UHRF2: variants seen among roughly 807,000 people sequenced by gnomAD.
UHRF2 encodes the protein ubiquitin like with PHD and ring finger domains 2.
A neutral mutation model predicts 96.8 loss-of-function variants in UHRF2; 23 were observed. The ratio of observed to expected loss-of-function variants is 0.24; its 90% confidence interval spans 0.17 to 0.34. UHRF2 has a LOEUF of 0.34. Ranked by LOEUF, UHRF2 falls within the 10% of genes least tolerant of loss-of-function variation. The pLI, the probability that UHRF2 is intolerant of heterozygous loss-of-function variation, is 1.00. For synonymous variants in UHRF2, 385 were observed against 332.6 expected, an observed-to-expected ratio of 1.16 and a Z score of -1.72; for missense variants, 685 against 981.5, an observed-to-expected ratio of 0.70 and a Z score of 4.04.
At chr9:6,462,118 G>A (rs1473398855) in intron 4 of UHRF2, among the ~76,000 whole-genome samples, 3 of 152,082 alleles carry the variant, frequency 2.0e-5, no homozygotes, top group African/African-American at 7.2e-5. Context: ...GCGAGGATAG[G>A]CAAGCTTATA....
chr9:6,461,152 A>G (rs948006162), intron 4 of UHRF2, among the ~76,000 whole-genome samples: 16 of 152,192 alleles, frequency 1.1e-4, no homozygotes, highest in African/African-American at 3.6e-4. Flanking sequence ...GCAGTGGATG[A>G]CTACTTAACC....
At chr9:6,421,296 A>G (rs1334761504) in intron 2 of UHRF2, among the ~76,000 whole-genome samples, 154 bp downstream of exon 2, 3 of 152,260 alleles carry the variant, frequency 2.0e-5, no homozygotes. Context: ...TTAAAAATTG[A>G]TATGAAATAC....
At chr9:6,470,242 G>C (rs1823163151) in intron 4 of UHRF2, among the ~76,000 whole-genome samples, 1 of 151,910 alleles carries the variant, frequency 6.6e-6, no homozygotes, top group Admixed American at 6.6e-5. Flanking sequence ...ACGTGGTAGT[G>C]CACACCTGTA....
intron 4 of UHRF2, among the ~76,000 whole-genome samples, chr9:6,475,050 G>A (rs1397088414): frequency 6.6e-6 from 1 of 152,004 alleles, no homozygotes; most frequent in Non-Finnish European, 1.5e-5. Flanking sequence ...TTGATAGAAA[G>A]GTTTAATATT....
At chr9:6,503,666 C>G in intron 14 of UHRF2, among the ~76,000 whole-genome samples, 1 of 151,480 alleles carries the variant, frequency 6.6e-6, no homozygotes. Context: ...TTTTAAGCTC[C>G]TAAAGACAAA....
intron 3 of UHRF2, among the ~76,000 whole-genome samples, chr9:6,447,225 A>G (rs1005464407): frequency 6.6e-6 from 1 of 152,270 alleles, no homozygotes; most frequent in East Asian, 1.9e-4. Context: ...TGTTGTTTCT[A>G]CTATTAGCAA....
At chr9:6,442,245 T>G (rs1821211888) in intron 3 of UHRF2, among the ~76,000 whole-genome samples, 1 of 152,156 alleles carries the variant, frequency 6.6e-6, no homozygotes, top group African/African-American at 2.4e-5. Context: ...ATTACAGGTG[T>G]GAGCCACCAC....
Position 6,428,426 on chromosome 9 carries a change from A to G in UHRF2, c.385-5488A>G, listed in dbSNP as rs147265839. On this transcript the variant is annotated intron_variant, in intron 2 of 15. Coordinates refer to ENST00000276893, the MANE Select transcript of UHRF2 (RefSeq NM_152896.3). The stretch of plus-strand genomic sequence containing the variant: ...TTGTTCTTTACTAACTTTCTTATTA[A>G]TATTAACCTTTAACAACCTATTAAT... 1.4e-3 allele frequency among the ~76,000 whole-genome samples: 214 copies of G among 151,610 alleles called. 1 individual carries two copies. Among genetic ancestry groups the G allele is most frequent in the African/African-American group, 4.9e-3 (204 of 41,292 alleles).
chr9:6,444,316 G>A (rs749206534), intron 3 of UHRF2, among the ~76,000 whole-genome samples: 7 of 152,196 alleles, frequency 4.6e-5, no homozygotes, highest in Admixed American at 1.3e-4. Flanking sequence ...GTAGGCTCCT[G>A]AGTGGATGGT....
chr9:6,413,231 C>T lies in UHRF2; in HGVS notation c.-260C>T, dbSNP rs1819389585. The T allele has an allele frequency of 5.7e-6, 1 of 176,542 alleles. No homozygotes were observed. The highest frequency in any genetic ancestry group is 1.2e-5 in the Non-Finnish European group (1 of 84,448). 10.9% of individuals were successfully genotyped at this position (176,542 alleles called of 1,614,324 possible). ...AACACTCTGCGCGGCGCAGACATGGCCTCTTCCTATCTTTGAGGCGGTGTC... is the reference window on the plus strand; with the variant it reads ...AACACTCTGCGCGGCGCAGACATGGTCTCTTCCTATCTTTGAGGCGGTGTC... On this transcript the variant is annotated 5_prime_UTR_variant, in exon 1 of 16. Transcript: ENST00000276893.
At chr9:6,504,968 G>T (rs988699112) in intron 15 of UHRF2, among the ~76,000 whole-genome samples, 3 of 152,148 alleles carry the variant, frequency 2.0e-5, no homozygotes, top group African/African-American at 7.2e-5. Flanking sequence ...GCTCTTGTCT[G>T]TAATAGCTTA....
intron 8 of UHRF2, among the ~76,000 whole-genome samples, chr9:6,485,711 C>T (rs1048470489): frequency 1.8e-4 from 26 of 147,430 alleles, no homozygotes; most frequent in African/African-American, 6.3e-4. Context: ...ACACCATAAT[C>T]CCAACACTAT....
At chr9:6,457,675 C>T (rs1822263824) in intron 3 of UHRF2, among the ~76,000 whole-genome samples, 1 of 152,142 alleles carries the variant, frequency 6.6e-6, no homozygotes, top group South Asian at 2.1e-4. Flanking sequence ...TTTTGAGATA[C>T]ATTCCATCAA....
intron 9 of UHRF2, among the ~76,000 whole-genome samples, chr9:6,487,373 A>T (rs544317307): frequency 3.3e-5 from 5 of 150,240 alleles, no homozygotes; most frequent in African/African-American, 1.2e-4. Context: ...ATTTTTATGT[A>T]TTTATTTTTT....
intron 2 of UHRF2, among the ~76,000 whole-genome samples, chr9:6,431,448 A>C (rs534791690): frequency 6.6e-6 from 1 of 152,294 alleles, no homozygotes; most frequent in Admixed American, 6.5e-5. Context: ...CTCTACAAGA[A>C]GTAACATTAG....
chr9:6,479,424 G>A (rs934718482), intron 6 of UHRF2, among the ~76,000 whole-genome samples: 3 of 151,866 alleles, frequency 2.0e-5, no homozygotes, highest in African/African-American at 7.3e-5. Context: ...TCTCTTGTTG[G>A]GTTCCCGTCA....
chr9:6,451,148 A>G (rs1247674092), intron 3 of UHRF2, among the ~76,000 whole-genome samples: 1 of 152,120 alleles, frequency 6.6e-6, no homozygotes, highest in Non-Finnish European at 1.5e-5. Context: ...ATACTTTCAT[A>G]TTGCAAACAA....
chr9:6,494,267 C>T (rs536982832), intron 10 of UHRF2: 137 of 218,022 alleles, frequency 6.3e-4, no homozygotes, highest in Non-Finnish European at 5.8e-4. Flanking sequence ...CTAAAAGTGA[C>T]AAACTCCTTT....
intron 1 of UHRF2, among the ~76,000 whole-genome samples, chr9:6,416,357 C>G (rs1476974913): frequency 6.6e-6 from 1 of 151,934 alleles, no homozygotes; most frequent in Non-Finnish European, 1.5e-5. Flanking sequence ...CGTAAGCTAC[C>G]GTGCCCAGCC....
Sources: gnomAD v4.1 joint callset for allele counts (sites outside exome capture counted in the v4.1 genomes callset) on GRCh38, gnomAD v4.1.1 for gene constraint, MANE v1.5 for transcripts, NCBI Gene and HGNC (gene_info 2026-07-23, HGNC 2026-07-21) for gene names.